ANKS1A: variants seen among roughly 807,000 people sequenced by gnomAD.
ANKS1A encodes the protein ankyrin repeat and SAM domain-containing protein 1A.
A neutral mutation model predicts 120.3 loss-of-function variants in ANKS1A; 55 were observed. The ratio of observed to expected loss-of-function variants is 0.46; its 90% CI spans 0.37 to 0.57. The LOEUF (loss-of-function observed/expected upper bound fraction) is 0.57. ANKS1A is among the 20% of genes least tolerant of loss of function. The pLI, the probability that ANKS1A is intolerant of heterozygous loss-of-function variation, is 0.00. For synonymous variants in ANKS1A, 590 were observed against 604.7 expected (o/e 0.98, Z 0.36); for missense variants, 1,123 against 1,480.3 (o/e 0.76, Z 3.96).
At chr6:35,014,166 C>A (rs896563931) in intron 10 of ANKS1A, among the ~76,000 whole-genome samples, 8 of 152,068 alleles carry the variant, frequency 5.3e-5, no homozygotes, top group African/African-American at 1.9e-4. Context: ...AATTCTTTTC[C>A]CACCCATTGA....
chr6:34,913,014 C>T (rs1422742234), intron 1 of ANKS1A, among the ~76,000 whole-genome samples: 2 of 152,182 alleles, frequency 1.3e-5, no homozygotes, highest in African/African-American at 4.8e-5. Flanking sequence ...CAAAAGGGAA[C>T]TTTATCCTTT....
chr6:34,934,898 T>G (rs1769173595), intron 1 of ANKS1A, among the ~76,000 whole-genome samples: 1 of 152,246 alleles, frequency 6.6e-6, no homozygotes, highest in Admixed American at 6.5e-5. Context: ...GGTCACTTTT[T>G]CTAGTTATTT....
chr6:34,919,201 G>A (rs1411296025), intron 1 of ANKS1A, among the ~76,000 whole-genome samples: 2 of 152,262 alleles, frequency 1.3e-5, no homozygotes, highest in African/African-American at 4.8e-5. Flanking sequence ...GTTGTGGTTG[G>A]TAAACCACAA....
chr6:34,901,925 A>G (rs1767369195), intron 1 of ANKS1A, among the ~76,000 whole-genome samples: 1 of 152,246 alleles, frequency 6.6e-6, no homozygotes, highest in Non-Finnish European at 1.5e-5. Context: ...AGAAGGTAGT[A>G]TTCTAGCTAA....
intron 11 of ANKS1A, among the ~76,000 whole-genome samples, chr6:35,049,522 G>A (rs1206506637): frequency 6.6e-6 from 1 of 152,186 alleles, no homozygotes; most frequent in African/African-American, 2.4e-5. Context: ...GTGCCGAGTG[G>A]AAGAGGCGAG....
chr6:34,945,752 C>G (rs1301003152), intron 1 of ANKS1A, among the ~76,000 whole-genome samples: 2 of 152,102 alleles, frequency 1.3e-5, no homozygotes, highest in African/African-American at 4.8e-5. Flanking sequence ...AGATATAGAC[C>G]TATTCAGATA....
rs1472407211 is a variant in ANKS1A at position 35,079,821 on chromosome 6, G to A, written c.2437G>A (p.Val813Ile). 1 of 1,582,202 alleles carries A rather than the reference G, an allele frequency of 6.3e-7. No homozygotes were observed. Among genetic ancestry groups the A allele is most frequent in the Non-Finnish European group, 8.6e-7 (1 of 1,163,998 alleles). ...KNLWELELVN[V>I]LKVQLLGHRK... ...CACCTCGCTGCTCCTCATCACCCAG[G>A]TCCTGAAGGTCCAGCTGCTCGGCCA... Residue 813 changes from valine (V) to isoleucine (I), a missense_variant and splice_region_variant, in exon 16 of 24, where the codon GTC (valine) becomes ATC (isoleucine). Coordinates refer to ENST00000360359, the MANE Select transcript of ANKS1A (RefSeq NM_015245.3).
chr6:35,031,727 G>A (rs1381508318), intron 11 of ANKS1A, among the ~76,000 whole-genome samples: 3 of 152,066 alleles, frequency 2.0e-5, no homozygotes, highest in African/African-American at 7.2e-5. Flanking sequence ...ATCCTCCCTT[G>A]ACTAAAAACA....
intron 3 of ANKS1A, among the ~76,000 whole-genome samples, chr6:34,974,343 CCTCTT>C (rs1771434572): frequency 2.7e-4 from 2 of 7,366 alleles, no homozygotes; most frequent in African/African-American, 5.9e-4. Context: ...CCTTCCCCTT[CCTCTT>C]CCCTTCCCCT....
At chr6:35,080,856 T>G in intron 16 of ANKS1A, 138 bp from the exon 17 acceptor site, 3 of 989,604 alleles carry the variant, frequency 3.0e-6, no homozygotes, top group Non-Finnish European at 3.0e-6. Context: ...GACACCCCTG[T>G]GGTGTTGGCC....
chr6:34,974,731 A>T (rs1195790172), intron 3 of ANKS1A, among the ~76,000 whole-genome samples: 3 of 152,110 alleles, frequency 2.0e-5, no homozygotes, highest in Non-Finnish European at 4.4e-5. Flanking sequence ...ACTATAATCT[A>T]CCTTGCTGGA....
chr6:35,002,551 G>A (rs1773228374), intron 10 of ANKS1A, among the ~76,000 whole-genome samples: 1 of 152,102 alleles, frequency 6.6e-6, no homozygotes, highest in East Asian at 1.9e-4. Context: ...GTTATTATAA[G>A]TGTACTGGTA....
intron 11 of ANKS1A, among the ~76,000 whole-genome samples, chr6:35,032,210 A>G (rs1774942248): frequency 6.6e-6 from 1 of 152,216 alleles, no homozygotes; most frequent in Non-Finnish European, 1.5e-5. Context: ...GTGAGGCCCC[A>G]TTAGATGGAC....
At chr6:34,892,942 A>C (rs1766894952) in intron 1 of ANKS1A, among the ~76,000 whole-genome samples, 1 of 152,162 alleles carries the variant, frequency 6.6e-6, no homozygotes, top group Non-Finnish European at 1.5e-5. Context: ...TTCCTTATTT[A>C]CTGGATATTT....
chr6:34,909,214 G>A (rs377323168), intron 1 of ANKS1A, among the ~76,000 whole-genome samples: 1 of 152,144 alleles, frequency 6.6e-6, no homozygotes, highest in Non-Finnish European at 1.5e-5. Context: ...GGCAGGGTCT[G>A]TATGTGCCAA....
intron 13 of ANKS1A, among the ~76,000 whole-genome samples, chr6:35,074,515 C>T (rs906417177): frequency 1.3e-5 from 2 of 151,962 alleles, no homozygotes; most frequent in African/African-American, 2.4e-5. Flanking sequence ...GAGGATCACT[C>T]GAGCCCAGGT....
intron 1 of ANKS1A, among the ~76,000 whole-genome samples, chr6:34,938,673 G>C (rs1165014171): frequency 6.7e-6 from 1 of 149,888 alleles, no homozygotes; most frequent in Non-Finnish European, 1.5e-5. Context: ...TCTCCTCTCT[G>C]AGTTTGAAAG....
chr6:35,007,002 A>C (rs71567475), intron 10 of ANKS1A, among the ~76,000 whole-genome samples: 1 of 152,302 alleles, frequency 6.6e-6, no homozygotes, highest in East Asian at 1.9e-4. Flanking sequence ...TAGAAAAAAG[A>C]CAAAAAAGAA....
At chr6:34,957,030 A>G (rs1226198147) in intron 1 of ANKS1A, among the ~76,000 whole-genome samples, 2 of 152,234 alleles carry the variant, frequency 1.3e-5, no homozygotes, top group Non-Finnish European at 2.9e-5. Context: ...GTGAATTGGC[A>G]TCGCCTTCAC....
Sources: gnomAD v4.1 joint callset for allele counts (sites outside exome capture counted in the v4.1 genomes callset) on GRCh38, gnomAD v4.1.1 for gene constraint, MANE v1.5 for transcripts, NCBI Gene and HGNC (gene_info 2026-07-23, HGNC 2026-07-21) for gene names.